Variants in MUSK observed in about 807,000 individuals in gnomAD.
MUSK encodes muscle, skeletal receptor tyrosine-protein kinase.
A neutral mutation model predicts 88.7 loss-of-function variants in MUSK; 55 were observed. The observed-to-expected ratio is 0.62, with a 90% confidence interval of 0.50 to 0.78. The LOEUF (loss-of-function observed/expected upper bound fraction) is 0.78, where lower values mean the gene tolerates loss of function less well. MUSK is among the 30% of genes least tolerant of loss of function. MUSK has a pLI of 0.00. For synonymous variants in MUSK, 387 were observed against 391.9 expected (o/e 0.99, Z 0.15); for missense variants, 1,015 against 1,074.3 (o/e 0.94, Z 0.77).
intron 3 of MUSK, among the ~76,000 whole-genome samples, chr9:110,688,200 C>T (rs992507140): frequency 1.3e-5 from 2 of 152,090 alleles, no homozygotes; most frequent in African/African-American, 2.4e-5. Context: ...GGCACTTCCC[C>T]ATATTTATTA....
At chr9:110,765,730 C>T (rs547476393) in intron 8 of MUSK, among the ~76,000 whole-genome samples, 17 of 152,074 alleles carry the variant, frequency 1.1e-4, no homozygotes, top group South Asian at 1.0e-3. Flanking sequence ...TCCGCCACCA[C>T]GCCCGGCTAA....
At chr9:110,688,185 T>C (rs980185916) in intron 3 of MUSK, among the ~76,000 whole-genome samples, 1 of 152,124 alleles carries the variant, frequency 6.6e-6, no homozygotes, top group Non-Finnish European at 1.5e-5. Flanking sequence ...TCATCTGCTC[T>C]TCTAGGCACT....
intron 11 of MUSK, among the ~76,000 whole-genome samples, chr9:110,781,256 TTTTTGTTTTGTTTTG>T (rs148739068): frequency 2.7e-4 from 40 of 146,294 alleles, no homozygotes; most frequent in South Asian, 8.7e-4. Flanking sequence ...TGTGTGTGTT[TTTTTGTTTTGTTTTG>T]TTTTGTTTTG....
chr9:110,738,726 C>T (rs2077058235), intron 6 of MUSK, among the ~76,000 whole-genome samples: 1 of 152,148 alleles, frequency 6.6e-6, no homozygotes, highest in East Asian at 1.9e-4. Flanking sequence ...TGCAAGAGAG[C>T]TCTAATTCAA....
At chr9:110,695,112 A>C (rs2076415330) in intron 3 of MUSK, among the ~76,000 whole-genome samples, 2 of 152,282 alleles carry the variant, frequency 1.3e-5, no homozygotes, top group South Asian at 4.1e-4. Context: ...GCTTTTATTA[A>C]CTATCTTTTA....
At chr9:110,761,419 G>C (rs1386335662) in intron 7 of MUSK, among the ~76,000 whole-genome samples, 1 of 151,912 alleles carries the variant, frequency 6.6e-6, no homozygotes, top group Non-Finnish European at 1.5e-5. Context: ...ACACAGCCTT[G>C]AGGCAGCCAG....
At chr9:110,689,718 T>TAGTTATATATAAATATATACCTATATATA (rs370720549) in intron 3 of MUSK, among the ~76,000 whole-genome samples, 1 of 51,662 alleles carries the variant, frequency 1.9e-5, no homozygotes, top group Non-Finnish European at 2.9e-5. Context: ...TAACTATATA[T>TAGTTATATATAAATATATACCTATATATA]GTTATATATA....
rs201616041 is a variant in MUSK, at chr9:110,800,460, C to A, written c.2082C>A (p.Pro694=). The A allele has an allele frequency of 5.0e-5, 80 of 1,613,840 alleles. No individual in the cohort carries two copies. The African/African-American group carries it at 1.0e-3, about 20-fold the overall frequency. Reference sequence around the variant, plus strand: ...GGGCTCAGGTCTCCAGCCCTGGGCCCCCACCCCTCTCCTGTGCTGAGCAGC... The same window carrying A: ...GGGCTCAGGTCTCCAGCCCTGGGCCACCACCCCTCTCCTGTGCTGAGCAGC... The part of the protein sequence containing the change: ...SMRAQVSSPG[P]PPLSCAEQLC... The change falls in exon 15 of 15, where the codon CCC becomes CCA. Residue 694 remains proline, a synonymous_variant. Transcript: ENST00000374448.
intron 5 of MUSK, among the ~76,000 whole-genome samples, chr9:110,713,811 C>G (rs1459318418): frequency 1.3e-5 from 2 of 152,062 alleles, no homozygotes; most frequent in African/African-American, 4.8e-5. Flanking sequence ...CTTAATAGAC[C>G]TCAGCTCGTT....
rs16915281 is a variant in MUSK at position 110,706,330 on chromosome 9, T to C, written c.628+8864T>C. On this transcript the variant is annotated intron_variant, in intron 5 of 14. Transcript: ENST00000374448. The stretch of plus-strand genomic sequence containing the variant: ...CTAGCCTTTTTCCCTCAAAACCTTT[T>C]ATTTGCTGCCTATTCATTTTATTAG... The C allele has an allele frequency of 1.0e-3, 303 of 301,072 alleles. 4 individuals are homozygous for C. In the East Asian group the frequency reaches 0.025, roughly 24 times the overall value. 18.7% of individuals were successfully genotyped at this position (301,072 alleles called of 1,614,324 possible).
chr9:110,715,257 C>T (rs916404699), intron 5 of MUSK, among the ~76,000 whole-genome samples: 2 of 149,724 alleles, frequency 1.3e-5, no homozygotes, highest in African/African-American at 2.5e-5. Context: ...GAGTTAGCTG[C>T]TATATTAATT....
chr9:110,694,883 T>C (rs1226915997), intron 3 of MUSK, among the ~76,000 whole-genome samples: 1 of 152,170 alleles, frequency 6.6e-6, no homozygotes, highest in Non-Finnish European at 1.5e-5. Flanking sequence ...TGATTGTTAA[T>C]ATAATAATAT....
chr9:110,740,534 C>G (rs143410647), intron 6 of MUSK, among the ~76,000 whole-genome samples: 308 of 152,162 alleles, frequency 2.0e-3, no homozygotes, highest in South Asian at 6.9e-3. Context: ...TATAAGGTTT[C>G]TTCCTCTAAA....
At chr9:110,701,652 ATTTATT>A (rs1397756690) in intron 5 of MUSK, among the ~76,000 whole-genome samples, 2 of 10,798 alleles carry the variant, frequency 1.9e-4, no homozygotes, top group African/African-American at 3.0e-4. Flanking sequence ...GTGCTCAGCT[ATTTATT>A]TTATTTATTT....
At position 110,776,669 on chromosome 9, in the gene MUSK, T is replaced by C. The variant is rs2077676323; in HGVS notation, c.1384+14T>C. 1.3e-6 allele frequency: 2 copies of C among 1,585,794 alleles called. No homozygotes were observed. The highest frequency in any genetic ancestry group is 1.7e-6 in the Non-Finnish European group (2 of 1,159,858). ...AAAACCTAAAAAGTAAGTAATTGTGTTTGTGCCCTTGAAACCTTATGTGTA... is the reference window on the plus strand; with the variant it reads ...AAAACCTAAAAAGTAAGTAATTGTGCTTGTGCCCTTGAAACCTTATGTGTA... On this transcript the variant is annotated intron_variant, in intron 11 of 14. Coordinates refer to ENST00000374448, the MANE Select transcript of MUSK (RefSeq NM_005592.4).
intron 5 of MUSK, among the ~76,000 whole-genome samples, chr9:110,733,572 CCTT>C (rs1331430108): frequency 6.6e-6 from 1 of 151,790 alleles, no homozygotes; most frequent in East Asian, 1.9e-4. Context: ...TCTAAAATAT[CCTT>C]TTTTTTTTTT....
At chr9:110,756,249 G>A (rs899417414) in intron 7 of MUSK, among the ~76,000 whole-genome samples, 4 of 151,714 alleles carry the variant, frequency 2.6e-5, no homozygotes, top group Middle Eastern at 3.4e-3. Flanking sequence ...AGGGTCCTTC[G>A]GAAGACTGTG....
At chr9:110,687,545 G>T (rs1053417444) in intron 3 of MUSK, among the ~76,000 whole-genome samples, 13 of 152,060 alleles carry the variant, frequency 8.5e-5, no homozygotes, top group African/African-American at 3.1e-4. Flanking sequence ...ATGTTGGACA[G>T]GCTGGTCTCG....
rs1172028134 is a variant in MUSK at position 110,694,396 on chromosome 9, A to C, written c.359-1007A>C. 1.5e-4 allele frequency among the ~76,000 whole-genome samples: 22 copies of C among 144,986 alleles called. 1 individual carries two copies. Among genetic ancestry groups the C allele is most frequent in the African/African-American group, 5.4e-4 (20 of 37,010 alleles). ...GCGAGACTCCGTCTCAAAAAAAAAA[A>C]AAAAAAAAAACAAAAAAACAAAACC... is the stretch of plus-strand genomic sequence containing the variant. On this transcript the variant is annotated intron_variant, in intron 3 of 14. Transcript: ENST00000374448.
Sources: allele counts gnomAD v4.1 joint callset (sites outside exome capture counted in the v4.1 genomes callset), GRCh38; gene constraint gnomAD v4.1.1; transcripts MANE v1.5; gene names NCBI Gene and HGNC (gene_info 2026-07-23, HGNC 2026-07-21).